BCLAF3: variants seen among roughly 807,000 people sequenced by gnomAD.
BCLAF3 encodes the protein transient octamer binding factor 1.
A neutral mutation model predicts 51.2 loss-of-function variants in BCLAF3; 24 were observed. That is an observed-to-expected ratio of 0.47 (90% CI 0.34 to 0.66). BCLAF3 has a LOEUF of 0.66. Among genes scored for constraint, BCLAF3 ranks in the 30% least tolerant of loss-of-function variants. BCLAF3 has a pLI of 0.01. For missense variants in BCLAF3, 465 were observed against 525.1 expected (o/e 0.89, Z 1.12); for synonymous variants, 152 against 176.6 (o/e 0.86, Z 1.10).
chrX:19,938,221 C>T (rs1442697417), intron 8 of BCLAF3, among the ~76,000 whole-genome samples: 1 of 110,807 alleles, frequency 9.0e-6, no homozygotes. Context: ...CTCTACAATG[C>T]TTCTCAGCCC....
intron 4 of BCLAF3, among the ~76,000 whole-genome samples, chrX:19,959,480 G>A (rs1027422385): frequency 9.0e-6 from 1 of 111,646 alleles, no homozygotes; most frequent in East Asian, 2.8e-4. Context: ...ATAAGGTCAA[G>A]TGCGGTGGCT....
chrX:19,958,991 G>A (rs776349934), intron 4 of BCLAF3, among the ~76,000 whole-genome samples: 1 of 111,948 alleles, frequency 8.9e-6, no homozygotes, highest in Non-Finnish European at 1.9e-5. Context: ...ATCCTCTGGC[G>A]GCCAGAACTG....
At chrX:19,955,074 C>A (rs1218761114) in intron 5 of BCLAF3, among the ~76,000 whole-genome samples, 1 of 111,222 alleles carries the variant, frequency 9.0e-6, no homozygotes, top group Non-Finnish European at 1.9e-5. Context: ...TTGCTTTTTC[C>A]TCCCTGTTAG....
At position 19,955,476 on chromosome X, in the gene BCLAF3, T is replaced by C; in HGVS notation, c.1365A>G (p.Glu455=). 1 of 1,205,764 alleles carries C rather than the reference T, an allele frequency of 8.3e-7. No homozygotes were observed. Among genetic ancestry groups the C allele is most frequent in the South Asian group, 1.8e-5 (1 of 55,645 alleles). The change falls in exon 5 of 12, where the codon GAA becomes GAG. Residue 455 remains glutamate, a synonymous_variant. Transcript: ENST00000379682. ...RKSENFHPVF[E]HLDSTQNTEN... ...CAGTATTCTGAGTTGAGTCAAGATGTTCAAACACTGGATGAAAGTTCTCAC... is the reference window on the plus strand; with the variant it reads ...CAGTATTCTGAGTTGAGTCAAGATGCTCAAACACTGGATGAAAGTTCTCAC...
At chrX:19,936,022 G>T in intron 9 of BCLAF3, 124 bp from the exon 10 acceptor site, 1 of 556,414 alleles carries the variant, frequency 1.8e-6, no homozygotes, top group Non-Finnish European at 3.0e-6. Context: ...GGAGCAGGGA[G>T]CTTAGCTGTA....
intron 4 of BCLAF3, 140 bp downstream of exon 4, chrX:19,964,904 T>C: frequency 2.2e-6 from 1 of 449,453 alleles, no homozygotes; most frequent in Non-Finnish European, 3.4e-6. Context: ...ACTACAGGGC[T>C]TTTTTTTTGG....
At chrX:19,936,795 T>C (rs771408599) in intron 9 of BCLAF3, among the ~76,000 whole-genome samples, 1 of 111,333 alleles carries the variant, frequency 9.0e-6, no homozygotes, top group Admixed American at 9.7e-5. Context: ...AGTAGATTAG[T>C]GTTGGTTGGG....
At chrX:19,920,018 G>C (rs756867923) in intron 11 of BCLAF3, among the ~76,000 whole-genome samples, 2 of 111,662 alleles carry the variant, frequency 1.8e-5, no homozygotes, top group East Asian at 5.6e-4. Flanking sequence ...TGCTGAAACT[G>C]TTTGTGTAAA....
At chrX:19,950,949 C>T in intron 7 of BCLAF3, 81 bp from the exon 8 acceptor site, 2 of 630,599 alleles carry the variant, frequency 3.2e-6, no homozygotes, top group Non-Finnish European at 2.6e-6. Context: ...ACGTTAATTA[C>T]AAGTCCTAGA....
At chrX:19,952,701 G>A (rs142534538) in intron 7 of BCLAF3, among the ~76,000 whole-genome samples, 1,516 of 111,526 alleles carry the variant, frequency 0.014, 10 homozygotes, top group Middle Eastern at 0.018. Context: ...TTTACAGTGC[G>A]GATTTTGGGG....
rs1391666756 is a variant in BCLAF3 at position 19,957,718 on chromosome X, T to C, written c.1275-2152A>G. Among the ~76,000 whole-genome samples, 2 of 112,021 alleles carry C rather than the reference T, an allele frequency of 1.8e-5. 1 individual carries two copies. The highest frequency in any genetic ancestry group is 3.8e-5 in the Non-Finnish European group (2 of 53,201). ...TCTTAGTGTTTAAACTTGTTATCCATTAAAATTTATCCTAGAGTTCCTCTA... is the reference window on the plus strand; with the variant it reads ...TCTTAGTGTTTAAACTTGTTATCCACTAAAATTTATCCTAGAGTTCCTCTA... On this transcript the variant is annotated intron_variant, in intron 4 of 11. Coordinates refer to ENST00000379682, the MANE Select transcript of BCLAF3 (RefSeq NM_001367774.2).
chrX:19,951,183 G>C (rs1227773640), intron 7 of BCLAF3, among the ~76,000 whole-genome samples: 1 of 110,884 alleles, frequency 9.0e-6, no homozygotes, highest in Non-Finnish European at 1.9e-5. Context: ...AAAAAATTAA[G>C]AGGAAGGGAA....
At chrX:19,922,395 C>T (rs1221008139) in intron 11 of BCLAF3, among the ~76,000 whole-genome samples, 1 of 111,347 alleles carries the variant, frequency 9.0e-6, no homozygotes, top group African/African-American at 3.3e-5. Context: ...TACTTGAATA[C>T]TATATTATTC....
In BCLAF3 at chrX:19,919,879, A is replaced by G. The variant is rs563939697; in HGVS notation, c.2107-2545T>C. Among the ~76,000 whole-genome samples, 95 of 106,667 alleles carry G rather than the reference A, an allele frequency of 8.9e-4. 1 individual carries two copies. The highest frequency in any genetic ancestry group is 2.9e-3 in the African/African-American group (82 of 28,734). 92.6% of individuals were successfully genotyped at this position (106,667 alleles called of 115,157 possible). A position where few individuals can be genotyped will look rare whatever the true frequency, so the allele number is the denominator to read the frequency against. Reference sequence around the variant, plus strand: ...CTCAAAAAAAAAAAAAAAAAAAAAAAGGTTGTACAGAAAAGGGTTAACACA... The same window carrying G: ...CTCAAAAAAAAAAAAAAAAAAAAAAGGGTTGTACAGAAAAGGGTTAACACA... On this transcript the variant is annotated intron_variant, in intron 11 of 11. Coordinates refer to ENST00000379682, the MANE Select transcript of BCLAF3 (RefSeq NM_001367774.2).
In BCLAF3 at chrX:19,966,166, C is replaced by T. The variant is rs756843047; in HGVS notation, c.525G>A (p.Arg175=). ...FEGKWHEDEL[R]HQRIQEEKYS... Reference sequence around the variant, plus strand: ...ATTTTTCTTCTTGTATCCTCTGGTGCCTCAACTCATCTTCATGCCACTTTC... The same window carrying T: ...ATTTTTCTTCTTGTATCCTCTGGTGTCTCAACTCATCTTCATGCCACTTTC... The change falls in exon 3 of 12, where the codon AGG becomes AGA. Residue 175 remains arginine, a synonymous_variant. Transcript: ENST00000379682. The T allele has an allele frequency of 2.5e-6, 3 of 1,211,080 alleles. No homozygotes were observed. Among genetic ancestry groups the T allele is most frequent in the Non-Finnish European group, 3.4e-6 (3 of 895,107 alleles).
chrX:19,967,999 T>A (rs748146265), intron 2 of BCLAF3, among the ~76,000 whole-genome samples: 1 of 112,383 alleles, frequency 8.9e-6, no homozygotes, highest in East Asian at 2.8e-4. Context: ...TCTGAGGACT[T>A]CCTGGAAGAT....
intron 11 of BCLAF3, among the ~76,000 whole-genome samples, chrX:19,920,278 G>A (rs773292899): frequency 4.5e-5 from 5 of 111,782 alleles, no homozygotes; most frequent in African/African-American, 1.3e-4. Context: ...TCTGGACTTC[G>A]CCCTATATGC....
intron 10 of BCLAF3, chrX:19,930,497 A>C (rs1057438657): frequency 8.1e-6 from 1 of 123,070 alleles, no homozygotes; most frequent in East Asian, 2.6e-4. Flanking sequence ...CAATATATAT[A>C]TTTTTAATTT....
intron 4 of BCLAF3, among the ~76,000 whole-genome samples, chrX:19,963,489 T>C (rs2071935466): frequency 8.9e-6 from 1 of 111,886 alleles, no homozygotes; most frequent in Admixed American, 9.5e-5. Context: ...ACAGCAGTCA[T>C]GTGTAAATAT....
Sources: allele counts gnomAD v4.1 joint callset (sites outside exome capture counted in the v4.1 genomes callset), GRCh38; gene constraint gnomAD v4.1.1; transcripts MANE v1.5; gene names NCBI Gene and HGNC (gene_info 2026-07-23, HGNC 2026-07-21).